Variants in FAF1 observed in about 807,000 individuals in gnomAD.
FAF1 encodes the protein FAS-associated factor 1.
In FAF1, 25 loss-of-function variants were observed where a neutral mutation model predicts 92.5. That is an observed-to-expected ratio of 0.27 (90% confidence interval 0.20 to 0.38). The LOEUF is 0.38. Among genes scored for constraint, FAF1 ranks in the 10% least tolerant of loss-of-function variants. The pLI, the probability that FAF1 is intolerant of heterozygous loss-of-function variation, is 1.00. For missense variants in FAF1, 636 were observed against 793.3 expected (o/e 0.80, Z 2.38); for synonymous variants, 234 against 273.2 (o/e 0.86, Z 1.42).
chr1:50,506,120 C>T (rs891224540), intron 15 of FAF1, among the ~76,000 whole-genome samples: 1 of 152,130 alleles, frequency 6.6e-6, no homozygotes. Context: ...GAATAATGGA[C>T]AGGTTTCTAG....
chr1:50,815,654 C>T (rs1346415486), intron 2 of FAF1, among the ~76,000 whole-genome samples: 2 of 152,208 alleles, frequency 1.3e-5, no homozygotes, highest in Admixed American at 6.5e-5. Context: ...AACTAATTTA[C>T]ATTTCTACCA....
At chr1:50,760,066 G>A (rs980270685) in intron 4 of FAF1, among the ~76,000 whole-genome samples, 1 of 151,528 alleles carries the variant, frequency 6.6e-6, no homozygotes, top group Non-Finnish European at 1.5e-5. Flanking sequence ...TTTGTCAGAT[G>A]AGTAGGTTGC....
chr1:50,503,618 A>T (rs994462602), intron 15 of FAF1, among the ~76,000 whole-genome samples: 6 of 135,270 alleles, frequency 4.4e-5, no homozygotes, highest in African/African-American at 1.4e-4. Flanking sequence ...CTGTCTCTTT[A>T]AAAAAAAAAA....
At chr1:50,666,506 G>A (rs775943253) in intron 7 of FAF1, among the ~76,000 whole-genome samples, 3 of 152,128 alleles carry the variant, frequency 2.0e-5, no homozygotes, top group Non-Finnish European at 4.4e-5. Flanking sequence ...ACTGTGCCCA[G>A]CTACCGGACA....
At chr1:50,465,843 T>G (rs1646487701) in intron 18 of FAF1, among the ~76,000 whole-genome samples, 1 of 152,152 alleles carries the variant, frequency 6.6e-6, no homozygotes, top group African/African-American at 2.4e-5. Flanking sequence ...TAGAAGAAAG[T>G]GCAAATGCAA....
At chr1:50,471,817 C>G (rs545546886) in intron 18 of FAF1, among the ~76,000 whole-genome samples, 15 of 152,076 alleles carry the variant, frequency 9.9e-5, no homozygotes, top group African/African-American at 3.6e-4. Flanking sequence ...GACAGAGCTC[C>G]TCTGAGGGAT....
intron 8 of FAF1, among the ~76,000 whole-genome samples, chr1:50,623,715 G>T (rs1653322373): frequency 6.6e-6 from 1 of 152,092 alleles, no homozygotes; most frequent in Non-Finnish European, 1.5e-5. Context: ...GCCAAGGTGG[G>T]AGGATCACTT....
intron 6 of FAF1, among the ~76,000 whole-genome samples, chr1:50,728,026 T>C (rs1237005371): frequency 6.6e-6 from 1 of 152,206 alleles, no homozygotes; most frequent in Admixed American, 6.5e-5. Context: ...AGCTTGTGAT[T>C]GTGTGAGTTA....
Position 50,738,321 on chromosome 1 carries a change from T to A in FAF1, c.551+542A>T, listed in dbSNP as rs546901439. ...AGCTGGGCATGGTGGCACATGCCTA[T>A]AATCCCAGCTACTCAGGAGGCTGAG... On this transcript the variant is annotated intron_variant, in intron 6 of 18. Coordinates refer to ENST00000396153, the MANE Select transcript of FAF1 (RefSeq NM_007051.3). Among the ~76,000 whole-genome samples, 11 of 151,316 alleles carry A rather than the reference T, an allele frequency of 7.3e-5. No homozygotes were observed. The South Asian group carries it at 2.3e-3, about 32-fold the overall frequency.
intron 1 of FAF1, among the ~76,000 whole-genome samples, chr1:50,945,028 G>A (rs1302429418): frequency 3.9e-5 from 6 of 152,104 alleles, no homozygotes; most frequent in Admixed American, 3.9e-4. Context: ...GAAGGATGTA[G>A]AATCAGAAAT....
chr1:50,834,729 T>C (rs1644185080), intron 2 of FAF1, among the ~76,000 whole-genome samples: 1 of 152,198 alleles, frequency 6.6e-6, no homozygotes, highest in South Asian at 2.1e-4. Flanking sequence ...GTGTGGGGAT[T>C]AGAAGGAGGT....
At chr1:50,853,662 G>C (rs983654806) in intron 2 of FAF1, among the ~76,000 whole-genome samples, 1 of 151,876 alleles carries the variant, frequency 6.6e-6, no homozygotes, top group Non-Finnish European at 1.5e-5. Flanking sequence ...CTTAACATTG[G>C]GTTATCAAGT....
chr1:50,695,869 G>C (rs979018265), intron 7 of FAF1, among the ~76,000 whole-genome samples: 2 of 150,346 alleles, frequency 1.3e-5, no homozygotes, highest in Non-Finnish European at 3.0e-5. Context: ...GGCTGGTCTT[G>C]AACTCCTGAC....
intron 6 of FAF1, among the ~76,000 whole-genome samples, chr1:50,737,296 T>C (rs1659181122): frequency 6.6e-6 from 1 of 152,180 alleles, no homozygotes. Context: ...TACATGGCAA[T>C]GAAGAACGTT....
intron 18 of FAF1, among the ~76,000 whole-genome samples, chr1:50,450,053 G>C (rs1206413343): frequency 2.0e-5 from 3 of 151,654 alleles, no homozygotes. Context: ...AAATTAGCTG[G>C]GCGTGGTGGT....
In FAF1 at chr1:50,539,023, G is replaced by A. The variant is rs148724004; in HGVS notation, c.1405+569C>T. ...AAGGTAATATTTTACACCAACCCTT[G>A]GAGTGCATTACTAACAGTAAACAAA... On this transcript the variant is annotated intron_variant, in intron 14 of 18. Transcript: ENST00000396153. Among the ~76,000 whole-genome samples the A allele has an allele frequency of 1.3e-4, 20 of 152,256 alleles. No homozygotes were observed. The East Asian group carries it at 3.7e-3, about 28-fold the overall frequency.
intron 1 of FAF1, among the ~76,000 whole-genome samples, chr1:50,930,083 T>C (rs1645036759): frequency 6.6e-6 from 1 of 152,158 alleles, no homozygotes; most frequent in Non-Finnish European, 1.5e-5. Flanking sequence ...CAAATTAACA[T>C]TTATTTAGGG....
chr1:50,942,178 T>C (rs1645139335), intron 1 of FAF1, among the ~76,000 whole-genome samples: 1 of 152,134 alleles, frequency 6.6e-6, no homozygotes, highest in South Asian at 2.1e-4. Flanking sequence ...ATAATGCAAA[T>C]GAAACAGTTA....
chr1:50,642,421 C>T lies in FAF1; in HGVS notation c.744+13021G>A, dbSNP rs796898680. 2.0e-4 allele frequency among the ~76,000 whole-genome samples: 30 copies of T among 152,016 alleles called. 1 individual carries two copies. Among genetic ancestry groups the T allele is most frequent in the African/African-American group, 7.0e-4 (29 of 41,484 alleles). On this transcript the variant is annotated intron_variant, in intron 8 of 18. Transcript: ENST00000396153. The stretch of plus-strand genomic sequence containing the variant: ...ATCCCAGCACTTTGGGAGGCCGACG[C>T]GGGGGGATCACAAAGTCAGGAGTTT...
Sources: allele counts gnomAD v4.1 joint callset (sites outside exome capture counted in the v4.1 genomes callset), GRCh38; gene constraint gnomAD v4.1.1; transcripts MANE v1.5; gene names NCBI Gene and HGNC (gene_info 2026-07-23, HGNC 2026-07-21).